The following EIPR1 variants were observed in gnomAD, a reference collection of about 807,000 sequenced individuals.
EIPR1 encodes the protein EARP and GARP complex-interacting protein 1.
EIPR1 carries 25 observed loss-of-function variants against 48.1 expected under a neutral mutation model. That is an observed-to-expected ratio of 0.52 (90% CI 0.38 to 0.73). The LOEUF is 0.73. EIPR1 is among the 30% of genes least tolerant of loss of function. EIPR1 has a pLI of 0.00. For missense variants in EIPR1, 415 were observed against 506.2 expected, an observed-to-expected ratio of 0.82 and a Z score of 1.73; for synonymous variants, 204 against 201.9, an observed-to-expected ratio of 1.01 and a Z score of -0.09.
At chr2:3,370,284 G>A (rs1671081842) in intron 1 of EIPR1, among the ~76,000 whole-genome samples, 1 of 152,094 alleles carries the variant, frequency 6.6e-6, no homozygotes, top group Non-Finnish European at 1.5e-5. Context: ...CACAAAGATG[G>A]GGAAAAAACA....
At chr2:3,241,687 T>C (rs1447045616) in intron 4 of EIPR1, among the ~76,000 whole-genome samples, 1 of 151,716 alleles carries the variant, frequency 6.6e-6, no homozygotes, top group South Asian at 2.1e-4. Flanking sequence ...GATGTGAGTA[T>C]GCAGCATCCC....
intron 5 of EIPR1, among the ~76,000 whole-genome samples, chr2:3,210,484 C>T (rs1572297917): frequency 6.6e-6 from 1 of 152,150 alleles, no homozygotes; most frequent in East Asian, 1.9e-4. Context: ...CCTGAACACC[C>T]CCACGACAAT....
At chr2:3,374,336 A>G (rs1659801056) in intron 1 of EIPR1, among the ~76,000 whole-genome samples, 1 of 152,078 alleles carries the variant, frequency 6.6e-6, no homozygotes, top group Non-Finnish European at 1.5e-5. Flanking sequence ...CTTCATGTCT[A>G]AAACACCAAA....
chr2:3,219,192 T>A (rs1355757056), intron 4 of EIPR1, among the ~76,000 whole-genome samples: 31 of 109,282 alleles, frequency 2.8e-4, no homozygotes, highest in South Asian at 5.8e-4. Context: ...ACTCTAGAGC[T>A]TTCACAGTGA....
At chr2:3,295,974 C>T (rs1668568661) in intron 3 of EIPR1, among the ~76,000 whole-genome samples, 1 of 123,024 alleles carries the variant, frequency 8.1e-6, no homozygotes, top group African/African-American at 3.1e-5. Context: ...CCTCTCTCTG[C>T]ACACACACCC....
chr2:3,235,418 G>C (rs1389180729), intron 4 of EIPR1, among the ~76,000 whole-genome samples: 4 of 121,124 alleles, frequency 3.3e-5, no homozygotes, highest in Non-Finnish European at 7.0e-5. Context: ...GTGCATGCGG[G>C]TGCGCACACA....
chr2:3,300,419 A>C (rs1668730891), intron 3 of EIPR1, among the ~76,000 whole-genome samples: 1 of 152,128 alleles, frequency 6.6e-6, no homozygotes, highest in Non-Finnish European at 1.5e-5. Context: ...CCTCAGCTTC[A>C]GGATGCAAGC....
At position 3,373,783 on chromosome 2, in the gene EIPR1, C is replaced by T. The variant is rs369649334; in HGVS notation, c.42+3865G>A. Among the ~76,000 whole-genome samples the T allele has an allele frequency of 3.2e-4, 48 of 151,498 alleles. No individual in the cohort carries two copies. In the East Asian group the frequency reaches 4.5e-3, roughly 14 times the overall value. Reference sequence around the variant, plus strand: ...GCTCATGGGTAGGAAGAATCAATATCGTGAAAATGGCCATACTGCCCAAGG... The same window carrying T: ...GCTCATGGGTAGGAAGAATCAATATTGTGAAAATGGCCATACTGCCCAAGG... On this transcript the variant is annotated intron_variant, in intron 1 of 8. Coordinates refer to ENST00000382125, the MANE Select transcript of EIPR1 (RefSeq NM_003310.5).
rs1038864405 is a variant in EIPR1 at position 3,286,983 on chromosome 2, C to T, written c.260-29528G>A. ...CCGGCAGAGGGGGCGGTGGGGAGCA[C>T]ACAGAGTGCCAGCCGGCAGAGGCGG... On this transcript the variant is annotated intron_variant, in intron 3 of 8. Transcript: ENST00000382125. This position sits in a 1 kb window ranked among gnomAD's most constrained non-coding sequence, Gnocchi z 4.2. 6.8e-5 allele frequency among the ~76,000 whole-genome samples: 10 copies of T among 147,812 alleles called. No individual in the cohort carries two copies. The highest frequency in any genetic ancestry group is 1.2e-4 in the Non-Finnish European group (8 of 67,202).
At chr2:3,351,504 G>A (rs1670577441) in intron 2 of EIPR1, among the ~76,000 whole-genome samples, 1 of 152,134 alleles carries the variant, frequency 6.6e-6, no homozygotes, top group Admixed American at 6.5e-5. Context: ...GCATTTGGAA[G>A]GCAGACTGGC....
At chr2:3,250,469 C>G (rs534996629) in intron 4 of EIPR1, among the ~76,000 whole-genome samples, 1 of 152,274 alleles carries the variant, frequency 6.6e-6, no homozygotes, top group South Asian at 2.1e-4. Flanking sequence ...CAGCCCATAC[C>G]TTGAGTCTCA....
intron 3 of EIPR1, among the ~76,000 whole-genome samples, chr2:3,281,872 T>G (rs1668020368): frequency 6.6e-6 from 1 of 152,186 alleles, no homozygotes; most frequent in Non-Finnish European, 1.5e-5. Context: ...AAAAATAGTT[T>G]TAACAAAATG....
At chr2:3,318,450 C>T (rs1393085536) in intron 3 of EIPR1, among the ~76,000 whole-genome samples, 1 of 152,110 alleles carries the variant, frequency 6.6e-6, no homozygotes, top group Non-Finnish European at 1.5e-5. Flanking sequence ...AATTCCACTG[C>T]CAGATGACAC....
intron 2 of EIPR1, among the ~76,000 whole-genome samples, chr2:3,352,550 C>T (rs1371047343): frequency 2.0e-5 from 3 of 152,270 alleles, no homozygotes; most frequent in African/African-American, 4.8e-5. Context: ...CACCTTATGG[C>T]TTGATGATCC....
chr2:3,317,648 C>T (rs886726235), intron 3 of EIPR1, among the ~76,000 whole-genome samples: 5 of 152,228 alleles, frequency 3.3e-5, no homozygotes, highest in South Asian at 4.1e-4. Context: ...CCAATTCCCC[C>T]GCCTAATTCA....
chr2:3,310,461 G>A (rs541596884), intron 3 of EIPR1, among the ~76,000 whole-genome samples: 15 of 141,748 alleles, frequency 1.1e-4, no homozygotes, highest in African/African-American at 3.9e-4. Context: ...AGACCATCCT[G>A]GCTAAAACGG....
intron 1 of EIPR1, among the ~76,000 whole-genome samples, chr2:3,376,690 C>CAA (rs67873034): frequency 3.2e-5 from 4 of 125,024 alleles, no homozygotes; most frequent in Admixed American, 1.6e-4. Flanking sequence ...GACTCCATCT[C>CAA]AAAAAAAAAA....
chr2:3,307,691 G>A (rs888894935), intron 3 of EIPR1, among the ~76,000 whole-genome samples: 1 of 152,106 alleles, frequency 6.6e-6, no homozygotes, highest in African/African-American at 2.4e-5. Flanking sequence ...CCAGAGGCTG[G>A]GAAAAGAAGT....
chr2:3,369,982 A>AC (rs552578488), intron 1 of EIPR1, among the ~76,000 whole-genome samples: 3,315 of 150,750 alleles, frequency 0.022, 126 homozygotes, highest in African/African-American at 0.076. Context: ...ACTGGGAGGC[A>AC]CCCCCCCCGT....
Sources: gnomAD v4.1 joint callset for allele counts (sites outside exome capture counted in the v4.1 genomes callset) on GRCh38, gnomAD v4.1.1 for gene constraint, Gnocchi (gnomAD v3.1) non-coding constraint, MANE v1.5 for transcripts, NCBI Gene and HGNC (gene_info 2026-07-23, HGNC 2026-07-21) for gene names.